BMPR1B: variants seen among roughly 807,000 people sequenced by gnomAD.
BMPR1B encodes the protein bone morphogenetic protein receptor type-1B.
BMPR1B carries 12 observed loss-of-function variants against 59.1 expected under a neutral mutation model. The ratio of observed to expected loss-of-function variants is 0.20; its 90% CI spans 0.13 to 0.33. BMPR1B has a LOEUF of 0.33. Among genes scored for constraint, BMPR1B ranks in the 10% least tolerant of loss-of-function variants. BMPR1B has a pLI of 1.00. For missense variants in BMPR1B, 550 were observed against 610.9 expected (o/e 0.90, Z 1.05); for synonymous variants, 237 against 207.3 (o/e 1.14, Z -1.23).
At chr4:94,799,502 C>T (rs2110619405) in intron 1 of BMPR1B, among the ~76,000 whole-genome samples, 1 of 151,964 alleles carries the variant, frequency 6.6e-6, no homozygotes, top group East Asian at 1.9e-4. Flanking sequence ...CGGGGTTTCA[C>T]CATGTTGGCC....
At chr4:94,938,504 A>AT (rs1164008652) in intron 2 of BMPR1B, among the ~76,000 whole-genome samples, 1 of 151,894 alleles carries the variant, frequency 6.6e-6, no homozygotes, top group Non-Finnish European at 1.5e-5. Context: ...AAAAAAAAAA[A>AT]GTGCTTATAC....
At chr4:94,988,076 A>G (rs954067751) in intron 2 of BMPR1B, among the ~76,000 whole-genome samples, 1 of 152,180 alleles carries the variant, frequency 6.6e-6, no homozygotes, top group African/African-American at 2.4e-5. Context: ...TACCTGTAAG[A>G]AATCTCTACT....
chr4:95,057,827 A>G (rs1202763016), intron 3 of BMPR1B, among the ~76,000 whole-genome samples: 1 of 152,184 alleles, frequency 6.6e-6, no homozygotes, highest in East Asian at 1.9e-4. Context: ...TTTATCAACT[A>G]AATGTTTTGA....
intron 10 of BMPR1B, among the ~76,000 whole-genome samples, chr4:95,146,453 C>G (rs531080654): frequency 6.6e-6 from 1 of 152,132 alleles, no homozygotes; most frequent in Non-Finnish European, 1.5e-5. Context: ...ATTCCATTAT[C>G]TTTTCCTGAC....
At chr4:94,807,250 A>G (rs997006508) in intron 1 of BMPR1B, among the ~76,000 whole-genome samples, 1 of 152,114 alleles carries the variant, frequency 6.6e-6, no homozygotes, top group African/African-American at 2.4e-5. Flanking sequence ...GCCCACTACC[A>G]TGCCCAACTA....
intron 2 of BMPR1B, among the ~76,000 whole-genome samples, chr4:94,943,034 A>G (rs1299755012): frequency 6.6e-6 from 1 of 152,192 alleles, no homozygotes; most frequent in Non-Finnish European, 1.5e-5. Context: ...CTAGAAAATT[A>G]TAACAATTAG....
intron 2 of BMPR1B, among the ~76,000 whole-genome samples, chr4:94,932,862 A>G (rs2149035565): frequency 6.6e-6 from 1 of 152,244 alleles, no homozygotes; most frequent in African/African-American, 2.4e-5. Context: ...TTTGATGAGA[A>G]TATCACTCAG....
chr4:95,005,725 T>A (rs572097279), intron 3 of BMPR1B, among the ~76,000 whole-genome samples: 19 of 152,296 alleles, frequency 1.2e-4, no homozygotes, highest in African/African-American at 2.2e-4. Flanking sequence ...ATTTTTTTTT[T>A]AAATTTCAAC....
At chr4:95,030,720 C>A (rs1346425713) in intron 3 of BMPR1B, among the ~76,000 whole-genome samples, 1 of 152,076 alleles carries the variant, frequency 6.6e-6, no homozygotes, top group African/African-American at 2.4e-5. Flanking sequence ...TTCTTATACA[C>A]CAATAACAGA....
intron 3 of BMPR1B, among the ~76,000 whole-genome samples, chr4:95,087,944 A>G (rs1438129893): frequency 6.6e-6 from 1 of 152,132 alleles, no homozygotes; most frequent in Non-Finnish European, 1.5e-5. Flanking sequence ...TTTACTTTGA[A>G]CTTCAAAGTA....
At position 94,938,076 on chromosome 4, in the gene BMPR1B, C is replaced by G. The variant is rs1729385997; in HGVS notation, c.-112-57964C>G. On this transcript the variant is annotated intron_variant, in intron 2 of 12. Coordinates refer to ENST00000515059, the MANE Select transcript of BMPR1B (RefSeq NM_001203.3). ...AGTTGAGGTATGCATTGTGCTGATT[C>G]TATCTGGGGTACATGAGACAGAAAG... Among the ~76,000 whole-genome samples the G allele has an allele frequency of 2.6e-5, 4 of 152,116 alleles. No homozygotes were observed. In the South Asian group the frequency reaches 8.3e-4, roughly 32 times the overall value.
chr4:95,013,469 C>G (rs1038648902), intron 3 of BMPR1B, among the ~76,000 whole-genome samples: 12 of 152,186 alleles, frequency 7.9e-5, no homozygotes, highest in African/African-American at 2.9e-4. Context: ...AGATGCCTCC[C>G]CAGGCTAGCT....
intron 2 of BMPR1B, among the ~76,000 whole-genome samples, chr4:94,911,378 A>G (rs920405948): frequency 6.8e-6 from 1 of 147,660 alleles, no homozygotes; most frequent in Non-Finnish European, 1.5e-5. Context: ...GTTTTAAAAC[A>G]TAGAAGAAGC....
At chr4:95,147,104 C>T (rs901218920) in intron 10 of BMPR1B, among the ~76,000 whole-genome samples, 2 of 151,904 alleles carry the variant, frequency 1.3e-5, no homozygotes, top group African/African-American at 4.8e-5. Flanking sequence ...AACGTCTTAA[C>T]TTTTATTTAA....
chr4:94,855,492 G>C (rs1725722358), intron 1 of BMPR1B, among the ~76,000 whole-genome samples: 2 of 152,140 alleles, frequency 1.3e-5, no homozygotes, highest in African/African-American at 2.4e-5. Context: ...GTCTAACATA[G>C]ACCTTCAGAA....
rs910789911 is a variant in BMPR1B, at chr4:95,039,063, G to A, written c.-18+42929G>A. On this transcript the variant is annotated intron_variant, in intron 3 of 12. Coordinates refer to ENST00000515059, the MANE Select transcript of BMPR1B (RefSeq NM_001203.3). ...ATAAGATGTGTAGAACAAGGTGATC[G>A]GATAAAGGAATGTCTCTGTAACTAA... Among the ~76,000 whole-genome samples the A allele has an allele frequency of 4.6e-5, 7 of 151,830 alleles. No individual in the cohort carries two copies. The East Asian group carries it at 7.7e-4, about 17-fold the overall frequency.
chr4:94,954,980 C>T (rs1730087224), intron 2 of BMPR1B, among the ~76,000 whole-genome samples: 3 of 152,072 alleles, frequency 2.0e-5, no homozygotes, highest in Admixed American at 1.3e-4. Flanking sequence ...TTTCCTAACC[C>T]CCTTATACTT....
intron 1 of BMPR1B, among the ~76,000 whole-genome samples, chr4:94,834,829 A>T (rs1724738042): frequency 6.6e-6 from 1 of 152,136 alleles, no homozygotes; most frequent in Non-Finnish European, 1.5e-5. Context: ...AGGTATTTTA[A>T]TAACAATAAA....
chr4:95,115,380 G>C (rs1336584288), intron 5 of BMPR1B, among the ~76,000 whole-genome samples: 1 of 152,080 alleles, frequency 6.6e-6, no homozygotes, highest in East Asian at 1.9e-4. Context: ...TCGCATTAGA[G>C]CATCTTCCTC....
Sources: gnomAD v4.1 joint callset for allele counts (sites outside exome capture counted in the v4.1 genomes callset) on GRCh38, gnomAD v4.1.1 for gene constraint, MANE v1.5 for transcripts, NCBI Gene and HGNC (gene_info 2026-07-23, HGNC 2026-07-21) for gene names.